CNTNAP4: variants seen among roughly 807,000 people sequenced by gnomAD.
CNTNAP4 encodes contactin-associated protein-like 4.
CNTNAP4 carries 98 observed loss-of-function variants against 148.4 expected under a neutral mutation model. That is an observed-to-expected ratio of 0.66 (90% CI 0.56 to 0.78). The LOEUF (loss-of-function observed/expected upper bound fraction) is 0.78, where lower values mean the gene tolerates loss of function less well. Among genes scored for constraint, CNTNAP4 ranks in the 30% least tolerant of loss-of-function variants. CNTNAP4 has a pLI of 0.00. For missense variants in CNTNAP4, 1,935 were observed against 1,565.6 expected, an observed-to-expected ratio of 1.24 and a Z score of -3.98; for synonymous variants, 730 against 565.1, an observed-to-expected ratio of 1.29 and a Z score of -4.14.
chr16:76,550,348 A>T (rs1305142859), intron 21 of CNTNAP4, among the ~76,000 whole-genome samples: 1 of 152,228 alleles, frequency 6.6e-6, no homozygotes, highest in Admixed American at 6.5e-5. Flanking sequence ...TCTTTAGCTC[A>T]TAAAAGGATA....
chr16:76,331,325 C>T (rs778821025), intron 2 of CNTNAP4, among the ~76,000 whole-genome samples: 2 of 151,920 alleles, frequency 1.3e-5, no homozygotes, highest in Non-Finnish European at 2.9e-5. Context: ...GTAGCTGGGA[C>T]TGCAGGCGCC....
chr16:76,522,819 A>G lies in CNTNAP4; in HGVS notation c.2755+562A>G, dbSNP rs563675805. 4.1e-5 allele frequency among the ~76,000 whole-genome samples: 6 copies of G among 147,872 alleles called. 1 individual carries two copies. The highest frequency in any genetic ancestry group is 1.2e-4 in the African/African-American group (5 of 40,130). On this transcript the variant is annotated intron_variant, in intron 17 of 23. Coordinates refer to ENST00000611870, the MANE Select transcript of CNTNAP4 (RefSeq NM_033401.5). ...GCTCTGTCACCCAGGCTGGAGTGCAATAGTGCGATCTCGGCTCACTGCAAC... is the reference window on the plus strand; with the variant it reads ...GCTCTGTCACCCAGGCTGGAGTGCAGTAGTGCGATCTCGGCTCACTGCAAC...
chr16:76,522,278 A>G (rs757313734), intron 17 of CNTNAP4, 21 bp downstream of exon 17: 8 of 1,602,678 alleles, frequency 5.0e-6, no homozygotes, highest in South Asian at 2.2e-5. Context: ...TTTTTAAGCA[A>G]TCATTTTATT....
At chr16:76,313,369 AAC>A (rs1302766045) in intron 1 of CNTNAP4, among the ~76,000 whole-genome samples, 1 of 152,136 alleles carries the variant, frequency 6.6e-6, no homozygotes, top group Non-Finnish European at 1.5e-5. Context: ...AGTTCTAGTA[AAC>A]ACACACCCAC....
rs562410007 is a variant in CNTNAP4 at position 76,558,637 on chromosome 16, A to G, written c.3881A>G (p.Asn1294Ser). The change falls in exon 24 of 24, where the codon AAT (asparagine) becomes AGT (serine). Residue 1294 changes from asparagine (N) to serine (S), a missense_variant. Asn to Ser is a conservative substitution (Grantham distance 46, BLOSUM62 1). Coordinates refer to ENST00000611870, the MANE Select transcript of CNTNAP4 (RefSeq NM_033401.5). ...GAGGCTGTTCTGAAAAGTGAGCTTA[A>G]TATACAAAATGCAGTCAATGAAAAT... Reference protein sequence around the residue: ...SAEAVLKSELNIQNAVNENQK... With the variant: ...SAEAVLKSELSIQNAVNENQK... 5.0e-6 allele frequency: 8 copies of G among 1,612,470 alleles called. No homozygotes were observed. In the African/African-American group the frequency reaches 5.3e-5, roughly 11 times the overall value.
chr16:76,419,097 G>A (rs769422534), intron 3 of CNTNAP4, among the ~76,000 whole-genome samples: 28 of 151,962 alleles, frequency 1.8e-4, no homozygotes, highest in Non-Finnish European at 2.5e-4. Context: ...GTGTTTCAGT[G>A]GGTTGTTGTC....
At chr16:76,506,493 T>C (rs867639633) in intron 15 of CNTNAP4, among the ~76,000 whole-genome samples, 9 of 72,764 alleles carry the variant, frequency 1.2e-4, no homozygotes, top group African/African-American at 2.9e-4. Flanking sequence ...TTTTTTTTTT[T>C]TTTTTTTGAC....
chr16:76,521,900 C>A, intron 16 of CNTNAP4, 139 bp from the exon 17 acceptor site: 1 of 768,282 alleles, frequency 1.3e-6, no homozygotes, highest in Non-Finnish European at 2.2e-6. Context: ...GAGTTTCAAA[C>A]AATAGCATTG....
Position 76,318,128 on chromosome 16 carries a change from G to T in CNTNAP4, c.196+1605G>T, listed in dbSNP as rs936797498. 2.6e-5 allele frequency among the ~76,000 whole-genome samples: 4 copies of T among 152,134 alleles called. No homozygotes were observed. In the East Asian group the frequency reaches 7.7e-4, roughly 29 times the overall value. On this transcript the variant is annotated intron_variant, in intron 2 of 23. Coordinates refer to ENST00000611870, the MANE Select transcript of CNTNAP4 (RefSeq NM_033401.5). ...CCTGTACCTATGGACCCACCAGCAG[G>T]AATGCTGTTATTGCAATGCTAATCC... is the stretch of plus-strand genomic sequence containing the variant.
intron 15 of CNTNAP4, among the ~76,000 whole-genome samples, chr16:76,499,806 C>T (rs530906512): frequency 2.6e-5 from 4 of 151,926 alleles, no homozygotes; most frequent in Admixed American, 2.6e-4. Context: ...CAAAGCACAT[C>T]TTGCACCGCC....
At chr16:76,456,746 A>G (rs1266785590) in intron 8 of CNTNAP4, among the ~76,000 whole-genome samples, 1 of 152,162 alleles carries the variant, frequency 6.6e-6, no homozygotes, top group Non-Finnish European at 1.5e-5. Context: ...ATTGTTTAAT[A>G]TGAGCAAAAA....
At chr16:76,489,520 T>A (rs1488649589) in intron 12 of CNTNAP4, among the ~76,000 whole-genome samples, 166 bp from the exon 13 acceptor site, 1 of 152,196 alleles carries the variant, frequency 6.6e-6, no homozygotes, top group Non-Finnish European at 1.5e-5. Context: ...TTACCATAAC[T>A]TAAAAATTCC....
intron 1 of CNTNAP4, among the ~76,000 whole-genome samples, chr16:76,289,037 C>A (rs980099433): frequency 2.0e-5 from 3 of 151,756 alleles, no homozygotes; most frequent in African/African-American, 7.3e-5. Context: ...TACTATTTCT[C>A]ACTATCTCTC....
intron 3 of CNTNAP4, among the ~76,000 whole-genome samples, chr16:76,403,817 C>T (rs546994501): frequency 6.6e-6 from 1 of 152,070 alleles, no homozygotes; most frequent in Admixed American, 6.6e-5. Context: ...AAGTGACAGA[C>T]TGGATAAAGA....
At position 76,277,736 on chromosome 16, in the gene CNTNAP4, C is replaced by T; in HGVS notation, c.74C>T (p.Ala25Val). ...LSTQNWNRVE[A>V]GNSYDCDDPL... is the part of the protein sequence containing the mutation. ...ACTCAAAATTGGAACAGAGTCGAAG[C>T]TGGGAATTCCTGTAAGTATACAGCA... Residue 25 changes from alanine to valine, a missense_variant, in exon 1 of 24, where the codon GCT (alanine) becomes GTT (valine). Coordinates refer to ENST00000611870, the MANE Select transcript of CNTNAP4 (RefSeq NM_033401.5). The T allele has an allele frequency of 6.3e-7, 1 of 1,589,030 alleles. No homozygotes were observed. Among genetic ancestry groups the T allele is most frequent in the Non-Finnish European group, 8.6e-7 (1 of 1,163,524 alleles).
chr16:76,282,619 C>G (rs929035050), intron 1 of CNTNAP4, among the ~76,000 whole-genome samples: 2 of 151,832 alleles, frequency 1.3e-5, no homozygotes, highest in Admixed American at 6.6e-5. Context: ...CTAGAATAAA[C>G]TGAAAAATAG....
chr16:76,420,311 C>A, intron 3 of CNTNAP4, among the ~76,000 whole-genome samples: 1 of 71,986 alleles, frequency 1.4e-5, no homozygotes, highest in Non-Finnish European at 3.9e-5. Flanking sequence ...ACAGTTTTTG[C>A]TGCTATTTTA....
At chr16:76,449,644 T>A (rs998816907) in intron 6 of CNTNAP4, 71 bp from the exon 7 acceptor site, 4 of 1,292,312 alleles carry the variant, frequency 3.1e-6, no homozygotes, top group Non-Finnish European at 4.2e-6. Flanking sequence ...TAGCTATACT[T>A]GCTAATCATA....
At chr16:76,545,820 G>A (rs1365169135) in intron 21 of CNTNAP4, among the ~76,000 whole-genome samples, 5 of 152,126 alleles carry the variant, frequency 3.3e-5, no homozygotes, top group African/African-American at 1.2e-4. Flanking sequence ...GATGGATCAC[G>A]ACGTCAGGAG....
Sources: gnomAD v4.1 joint callset for allele counts (sites outside exome capture counted in the v4.1 genomes callset) on GRCh38, gnomAD v4.1.1 for gene constraint, MANE v1.5 for transcripts, NCBI Gene and HGNC (gene_info 2026-07-23, HGNC 2026-07-21) for gene names.